The following DDX6 variants were observed in gnomAD, a reference collection of about 807,000 sequenced individuals.
DDX6 encodes DEAD-box helicase 6.
A neutral mutation model predicts 60.6 loss-of-function variants in DDX6; 7 were observed. The ratio of observed to expected loss-of-function variants is 0.12; its 90% CI spans 0.07 to 0.22. The LOEUF is 0.22. DDX6 is among the 10% of genes least tolerant of loss of function. DDX6 has a pLI of 1.00. For synonymous variants in DDX6, 207 were observed against 201.0 expected (o/e 1.03, Z -0.25); for missense variants, 270 against 589.9 (o/e 0.46, Z 5.62).
intron 4 of DDX6, among the ~76,000 whole-genome samples, chr11:118,771,018 T>C (rs782331059): frequency 2.6e-5 from 4 of 152,228 alleles, no homozygotes; most frequent in Admixed American, 1.3e-4. Context: ...TGGTCTTAAA[T>C]TTCTTCCCTC....
chr11:118,763,813 AAC>A (rs1417304519), intron 6 of DDX6, among the ~76,000 whole-genome samples: 1 of 148,600 alleles, frequency 6.7e-6, no homozygotes, highest in Non-Finnish European at 1.5e-5. Context: ...TAGCCAGAGC[AAC>A]AGAGTAAGAC....
At position 118,781,203 on chromosome 11, in the gene DDX6, A is replaced by C. The variant is rs1555164659; in HGVS notation, c.201-19T>G. The C allele has an allele frequency of 3.3e-6, 5 of 1,528,942 alleles. No individual in the cohort carries two copies. Among genetic ancestry groups the C allele is most frequent in the Admixed American group, 1.8e-5 (1 of 56,016 alleles). 94.7% of individuals were successfully genotyped at this position (1,528,942 alleles called of 1,614,324 possible). A position where few individuals can be genotyped will look rare whatever the true frequency, so the allele number is the denominator to read the frequency against. On this transcript the variant is annotated intron_variant, in intron 2 of 13. Coordinates refer to ENST00000534980, the MANE Select transcript of DDX6 (RefSeq NM_004397.6). ...ACCAGGTCTAGAGAGAATACAGTAA[A>C]CTTGAAGTATCAAAATTCATAGCAT... is the stretch of plus-strand genomic sequence containing the variant.
chr11:118,763,722 T>C (rs1555160773), intron 6 of DDX6, among the ~76,000 whole-genome samples: 2 of 151,266 alleles, frequency 1.3e-5, no homozygotes, highest in Non-Finnish European at 1.5e-5. Flanking sequence ...TAATCCCAGC[T>C]ACTCAGGAGG....
Position 118,777,192 on chromosome 11 carries a change from A to T in DDX6, c.369+2440T>A, listed in dbSNP as rs1861728839. On this transcript the variant is annotated intron_variant, in intron 4 of 13. Coordinates refer to ENST00000534980, the MANE Select transcript of DDX6 (RefSeq NM_004397.6). ...AAGACAGCAACCATATATCTGTCTT[A>T]TTCATTATAGAATTCCCAAGGTCAA... is the stretch of plus-strand genomic sequence containing the variant. 2.0e-5 allele frequency among the ~76,000 whole-genome samples: 3 copies of T among 151,902 alleles called. No individual in the cohort carries two copies. The Admixed American group carries it at 2.0e-4, about 10-fold the overall frequency.
At chr11:118,787,485 A>G (rs547366953) in intron 1 of DDX6, 12,884 of 25,262 alleles carry the variant, frequency 0.51, 751 homozygotes, top group Middle Eastern at 0.57. Context: ...AAAAACAAAC[A>G]AGAAAAAAAA....
chr11:118,762,951 G>A (rs1555160571), intron 7 of DDX6, among the ~76,000 whole-genome samples: 1 of 152,078 alleles, frequency 6.6e-6, no homozygotes. Context: ...TTGGCATTGA[G>A]GTTATTCACT....
chr11:118,768,281 G>A lies in DDX6; in HGVS notation c.441C>T (p.Ser147=), dbSNP rs781820840. 2.9e-5 allele frequency: 47 copies of A among 1,613,326 alleles called. No homozygotes were observed. Among genetic ancestry groups the A allele is most frequent in the Admixed American group, 5.0e-5 (3 of 59,992 alleles). The part of the protein sequence containing the change: ...LARAKNGTGK[S]GAYLIPLLER... ...CAAGTAAGGGAATGAGGTAGGCACC[G>A]CTCTTGCCTGTTCCATTTTTTGCTC... The change falls in exon 5 of 14, where the codon AGC becomes AGT. Residue 147 remains serine (S), a synonymous_variant. Transcript: ENST00000534980.
At chr11:118,783,848 G>C (rs1326537364) in intron 2 of DDX6, among the ~76,000 whole-genome samples, 1 of 145,924 alleles carries the variant, frequency 6.9e-6, no homozygotes, top group Non-Finnish European at 1.5e-5. Context: ...GGGCGCAGTG[G>C]CTCACATGTG....
intron 8 of DDX6, chr11:118,759,409 C>T (rs957047072): frequency 6.5e-6 from 1 of 154,030 alleles, no homozygotes; most frequent in Non-Finnish European, 1.4e-5. Context: ...TAAGTTACTA[C>T]AGGTTGAGTA....
chr11:118,764,400 CCTT>C lies in DDX6; in HGVS notation c.646+806_646+808del, dbSNP rs1200227962. ...CTTAACGTATTTAGTTAGCCAATCT[CCTT>C]CTAAGTTGGCCAATTTTTCGGCACG... is the stretch of plus-strand genomic sequence containing the variant. On this transcript the variant is annotated intron_variant, in intron 6 of 13. Coordinates refer to ENST00000534980, the MANE Select transcript of DDX6 (RefSeq NM_004397.6). Among the ~76,000 whole-genome samples the C allele has an allele frequency of 2.6e-5, 4 of 152,136 alleles. No individual in the cohort carries two copies. The East Asian group carries it at 5.8e-4, about 22-fold the overall frequency.
rs1860638382 is a variant in DDX6 at position 118,748,544 on chromosome 11, C to CT, written c.*3560dup. On this transcript the variant is annotated 3_prime_UTR_variant, in exon 14 of 14. Transcript: ENST00000534980. ...TCCACAATAACAAATTTAAAGATACCTAGAACATTGAAAAAAATAGCAAAT... is the reference window on the plus strand; with the variant it reads ...TCCACAATAACAAATTTAAAGATACCTTAGAACATTGAAAAAAATAGCAAAT... The CT allele has an allele frequency of 6.6e-6, 1 of 151,756 alleles. No individual in the cohort carries two copies. The highest frequency in any genetic ancestry group is 1.9e-4 in the East Asian group (1 of 5,188). The allele number at this position is 151,756 out of a possible 1,614,324, so 9.4% of individuals were successfully genotyped here.
intron 4 of DDX6, among the ~76,000 whole-genome samples, chr11:118,775,001 A>C (rs1861651844): frequency 6.6e-6 from 1 of 152,150 alleles, no homozygotes; most frequent in Non-Finnish European, 1.5e-5. Flanking sequence ...GGTGCACCCA[A>C]ATCTCAGAAA....
At position 118,756,472 on chromosome 11, in the gene DDX6, A is replaced by C. The variant is rs181489290; in HGVS notation, c.1111-149T>G. 5.3e-5 allele frequency: 25 copies of C among 472,712 alleles called. No individual in the cohort carries two copies. The Admixed American group carries it at 7.6e-4, about 14-fold the overall frequency. 29.3% of individuals were successfully genotyped at this position (472,712 alleles called of 1,614,324 possible). A position where few individuals can be genotyped will look rare whatever the true frequency, so the allele number is the denominator to read the frequency against. On this transcript the variant is annotated intron_variant, in intron 10 of 13. Coordinates refer to ENST00000534980, the MANE Select transcript of DDX6 (RefSeq NM_004397.6). ...GCTGCTTTCAAAACCAAATGAGTTA[A>C]GTTCTTGATATCTTCGTCTACAGAA...
At position 118,765,295 on chromosome 11, in the gene DDX6, A is replaced by G. The variant is rs782556370; in HGVS notation, c.560T>C (p.Val187Ala). The change falls in exon 6 of 14, where the codon GTC becomes GCC. Residue 187 changes from valine to alanine, a missense_variant. By Grantham distance (64) the Val-to-Ala change is moderately conservative. This residue lies in a region of DDX6 where 17 missense variants were observed against 81.7 expected (regional missense o/e 0.21). Transcript: ENST00000534980. The stretch of plus-strand genomic sequence containing the variant: ...TTTGGCCCCTCCCATGTGTTTGCTG[A>G]CCTGGATGCAAATTTGACTGACCTG... ...ALQVSQICIQ[V>A]SKHMGGAKVM... 1.2e-6 allele frequency: 2 copies of G among 1,613,680 alleles called. No homozygotes were observed. Among genetic ancestry groups the G allele is most frequent in the Non-Finnish European group, 1.7e-6 (2 of 1,179,890 alleles).
Position 118,754,767 on chromosome 11 carries a change from T to C in DDX6, c.1397A>G (p.Lys466Arg), listed in dbSNP as rs1860907089. 2 of 1,613,688 alleles carry C rather than the reference T, an allele frequency of 1.2e-6. No individual in the cohort carries two copies. Among genetic ancestry groups the C allele is most frequent in the African/African-American group, 1.3e-5 (1 of 74,926 alleles). The change falls in exon 13 of 14, where the codon AAG becomes AGG. Residue 466 changes from lysine (K) to arginine (R), a missense_variant. By Grantham distance (26) the Lys-to-Arg change is conservative. Coordinates refer to ENST00000534980, the MANE Select transcript of DDX6 (RefSeq NM_004397.6). ...EIKPIPSNID[K>R]SLYVAEYHSE... ...GTGGTATTCTGCCACATACAGGCTC[T>C]TATCAATGTTGCTCGGAATAGGTTT...
chr11:118,753,528 CAG>C (rs1335791799), intron 13 of DDX6, among the ~76,000 whole-genome samples: 2 of 150,448 alleles, frequency 1.3e-5, no homozygotes, highest in African/African-American at 4.9e-5. Context: ...TTAGTAGAGA[CAG>C]GGTTTCACCA....
rs1861818982 is a variant in DDX6, at chr11:118,779,543, G to A, written c.369+89C>T. On this transcript the variant is annotated intron_variant, in intron 4 of 13. Coordinates refer to ENST00000534980, the MANE Select transcript of DDX6 (RefSeq NM_004397.6). The stretch of plus-strand genomic sequence containing the variant: ...GTGTATACGTGAGAGAGAAATGTTA[G>A]TTCACTGTATCACTTCTGCAGAGCA... 3.8e-6 allele frequency: 3 copies of A among 789,480 alleles called. No homozygotes were observed. In the East Asian group the frequency reaches 8.4e-5, roughly 22 times the overall value. 48.9% of individuals were successfully genotyped at this position (789,480 alleles called of 1,614,324 possible). A position where few individuals can be genotyped will look rare whatever the true frequency, so the allele number is the denominator to read the frequency against.
rs1555159575 is a variant in DDX6 at position 118,758,851 on chromosome 11, G to T, written c.916C>A (p.Leu306Met). ...GCGTAGTACTGGGTTACTCCCTTCA[G>T]AGTTAGTTCCTCCATCAGGTTAATC... ...YEINLMEELT[L>M]KGVTQYYAYV... The change falls in exon 9 of 14, where the codon CTG (leucine) becomes ATG (methionine). Residue 306 changes from leucine to methionine, a missense_variant. Around this residue, in one of 8 missense-constraint regions of DDX6, gnomAD observed 69 missense variants for 208.2 expected, o/e 0.33. Coordinates refer to ENST00000534980, the MANE Select transcript of DDX6 (RefSeq NM_004397.6). 1.2e-6 allele frequency: 2 copies of T among 1,613,872 alleles called. No individual in the cohort carries two copies. The highest frequency in any genetic ancestry group is 1.7e-6 in the Non-Finnish European group (2 of 1,179,846).
chr11:118,782,085 T>C (rs570350065), intron 2 of DDX6, among the ~76,000 whole-genome samples: 10 of 152,130 alleles, frequency 6.6e-5, no homozygotes, highest in African/African-American at 2.2e-4. Context: ...TGGTGGCATG[T>C]GCCTGTAATC....
Sources: allele counts gnomAD v4.1 joint callset (sites outside exome capture counted in the v4.1 genomes callset), GRCh38; gene constraint gnomAD v4.1.1; regional missense constraint gnomAD v4.1.1; transcripts MANE v1.5; gene names NCBI Gene and HGNC (gene_info 2026-07-23, HGNC 2026-07-21).